Variants in CSMD1 observed in about 807,000 individuals in gnomAD.
CSMD1 encodes CUB and Sushi multiple domains 1.
A neutral mutation model predicts 417.5 loss-of-function variants in CSMD1; 213 were observed. The ratio of observed to expected loss-of-function variants is 0.51; its 90% CI spans 0.46 to 0.57. The LOEUF (loss-of-function observed/expected upper bound fraction) is 0.57, where lower values mean the gene tolerates loss of function less well. Ranked by LOEUF, CSMD1 falls within the 20% of genes least tolerant of loss-of-function variation. The pLI, the probability that CSMD1 is intolerant of heterozygous loss-of-function variation, is 0.00. For missense variants in CSMD1, 6,923 were observed against 4,529.7 expected (o/e 1.53, Z -15.17); for synonymous variants, 2,862 against 1,736.8 (o/e 1.65, Z -16.11).
chr8:3,336,797 G>A (rs931411316), intron 23 of CSMD1, among the ~76,000 whole-genome samples: 2 of 152,108 alleles, frequency 1.3e-5, no homozygotes, highest in African/African-American at 4.8e-5. Context: ...GCTGTGTGTG[G>A]GCTTCCAGGA....
At chr8:3,719,460 A>C (rs1197556277) in intron 6 of CSMD1, among the ~76,000 whole-genome samples, 25 of 152,164 alleles carry the variant, frequency 1.6e-4, no homozygotes, top group Admixed American at 1.6e-3. Flanking sequence ...TCTCAAGAAA[A>C]GTGGGTGGTA....
chr8:4,958,294 ATTTTT>A (rs564182775), intron 1 of CSMD1, among the ~76,000 whole-genome samples: 1 of 151,710 alleles, frequency 6.6e-6, no homozygotes, highest in Non-Finnish European at 1.5e-5. Context: ...TGACACATCA[ATTTTT>A]TTTTAACTTT....
chr8:4,397,555 G>C (rs1364278354), intron 3 of CSMD1, among the ~76,000 whole-genome samples: 1 of 88,870 alleles, frequency 1.1e-5, no homozygotes, highest in Non-Finnish European at 2.1e-5. Flanking sequence ...TTTTTTTTGA[G>C]ACGGAATCTT....
At position 3,658,472 on chromosome 8, in the gene CSMD1, A is replaced by ATATATATG. The variant is rs1585030827; in HGVS notation, c.1010-41676_1010-41675insCATATATA. Among the ~76,000 whole-genome samples, 3 of 147,238 alleles carry ATATATATG rather than the reference A, an allele frequency of 2.0e-5. No homozygotes were observed. The East Asian group carries it at 5.9e-4, about 29-fold the overall frequency. ...TCTATAATATATATATTGTGTATAT[A>ATATATATG]TATATATATTTAATTTAAAGCTTTC... On this transcript the variant is annotated intron_variant, in intron 7 of 69. Coordinates refer to ENST00000635120, the MANE Select transcript of CSMD1 (RefSeq NM_033225.6).
intron 4 of CSMD1, among the ~76,000 whole-genome samples, chr8:4,019,769 G>A (rs79932064): frequency 6.6e-6 from 1 of 152,208 alleles, no homozygotes; most frequent in East Asian, 1.9e-4. Flanking sequence ...TTCTGTCCAA[G>A]TGGTGGTGTG....
intron 26 of CSMD1, among the ~76,000 whole-genome samples, chr8:3,281,005 T>A (rs1485633351): frequency 2.6e-5 from 4 of 152,186 alleles, no homozygotes; most frequent in Admixed American, 2.6e-4. Context: ...TCTTTCCACA[T>A]AATCCATGAA....
intron 41 of CSMD1, among the ~76,000 whole-genome samples, chr8:3,136,019 C>G (rs986029551): frequency 5.9e-5 from 9 of 152,110 alleles, no homozygotes; most frequent in African/African-American, 7.2e-5. Context: ...CACTTCTTTC[C>G]TAAACTAGTT....
intron 41 of CSMD1, among the ~76,000 whole-genome samples, chr8:3,138,197 G>C (rs1445795078): frequency 6.6e-6 from 1 of 152,226 alleles, no homozygotes; most frequent in Non-Finnish European, 1.5e-5. Flanking sequence ...CTGCACTCCA[G>C]CCTGGACAAC....
chr8:4,823,423 C>T (rs2117397145), intron 1 of CSMD1, among the ~76,000 whole-genome samples: 1 of 152,138 alleles, frequency 6.6e-6, no homozygotes, highest in East Asian at 1.9e-4. Context: ...TTTTCAGCTA[C>T]ATAACCTTAG....
chr8:4,616,792 T>C (rs1381322388), intron 2 of CSMD1, among the ~76,000 whole-genome samples: 3 of 152,178 alleles, frequency 2.0e-5, no homozygotes, highest in Non-Finnish European at 2.9e-5. Flanking sequence ...ATTTGTAGAA[T>C]CCAGAGGAAA....
chr8:3,480,922 C>A (rs188433934), intron 11 of CSMD1, among the ~76,000 whole-genome samples: 134 of 151,804 alleles, frequency 8.8e-4, no homozygotes, highest in Admixed American at 4.7e-3. Context: ...TTTGGGAGGC[C>A]GAGGTGAGCG....
chr8:3,131,548 T>G (rs1413322206), intron 41 of CSMD1, among the ~76,000 whole-genome samples: 1 of 151,378 alleles, frequency 6.6e-6, no homozygotes. Context: ...CTCTTCTCAC[T>G]GCAACATCCA....
At chr8:4,368,988 G>A (rs2128911670) in intron 3 of CSMD1, among the ~76,000 whole-genome samples, 1 of 151,940 alleles carries the variant, frequency 6.6e-6, no homozygotes, top group East Asian at 1.9e-4. Context: ...TTTCTGCTAT[G>A]TTTGGGGATG....
intron 4 of CSMD1, among the ~76,000 whole-genome samples, chr8:4,027,625 T>C (rs796736942): frequency 1.3e-5 from 2 of 152,314 alleles, no homozygotes; most frequent in African/African-American, 4.8e-5. Flanking sequence ...TTAACCTCTT[T>C]TCTTTATAAA....
chr8:3,581,573 G>C (rs1800384695), intron 9 of CSMD1, among the ~76,000 whole-genome samples: 1 of 152,280 alleles, frequency 6.6e-6, no homozygotes, highest in South Asian at 2.1e-4. Context: ...CATTACTTCA[G>C]AGTTACAGTC....
At chr8:3,691,664 T>C (rs1800249887) in intron 7 of CSMD1, among the ~76,000 whole-genome samples, 2 of 152,190 alleles carry the variant, frequency 1.3e-5, no homozygotes, top group Non-Finnish European at 2.9e-5. Flanking sequence ...TGGCAGGCAC[T>C]GGGCTAAGTA....
At chr8:4,379,274 C>A (rs1459948266) in intron 3 of CSMD1, among the ~76,000 whole-genome samples, 1 of 152,018 alleles carries the variant, frequency 6.6e-6, no homozygotes, top group Non-Finnish European at 1.5e-5. Context: ...AATAGGTGAC[C>A]AGAAATCTTC....
chr8:3,437,122 T>A (rs1277504057), intron 12 of CSMD1, among the ~76,000 whole-genome samples: 1 of 152,168 alleles, frequency 6.6e-6, no homozygotes, highest in African/African-American at 2.4e-5. Flanking sequence ...CTTTGCTTGA[T>A]CCTCCTGGTA....
intron 10 of CSMD1, among the ~76,000 whole-genome samples, chr8:3,516,561 T>A (rs1391796171): frequency 6.6e-6 from 1 of 152,220 alleles, no homozygotes; most frequent in African/African-American, 2.4e-5. Context: ...CATGTCTGCT[T>A]GAAAATCTTT....
Sources: allele counts gnomAD v4.1 joint callset (sites outside exome capture counted in the v4.1 genomes callset), GRCh38; gene constraint gnomAD v4.1.1; transcripts MANE v1.5; gene names NCBI Gene and HGNC (gene_info 2026-07-23, HGNC 2026-07-21).